AKR1C3: variants seen among roughly 807,000 people sequenced by gnomAD.
The protein encoded by AKR1C3 is aldo-keto reductase family 1 member C3.
In AKR1C3, 48 loss-of-function variants were observed where a neutral mutation model predicts 43.6. That is an observed-to-expected ratio of 1.10 (90% confidence interval 0.87 to 1.40). AKR1C3 has a LOEUF of 1.40. AKR1C3 is among the 40% of genes most tolerant of loss of function. The probability of loss-of-function intolerance (pLI) is 0.00; values close to 1 mark genes in which losing one functional copy is unlikely to be tolerated. For missense variants in AKR1C3, 482 were observed against 391.2 expected, an observed-to-expected ratio of 1.23 and a Z score of -1.96; for synonymous variants, 162 against 139.6, an observed-to-expected ratio of 1.16 and a Z score of -1.13.
chr10:5,067,545 A>C (rs1838533477), intron 1 of AKR1C3, among the ~76,000 whole-genome samples: 1 of 152,158 alleles, frequency 6.6e-6, no homozygotes, highest in Non-Finnish European at 1.5e-5. Flanking sequence ...ACCTGGTGAA[A>C]ATATACTGTA....
chr10:5,084,711 A>G (rs1299476307), intron 1 of AKR1C3, among the ~76,000 whole-genome samples: 1 of 152,198 alleles, frequency 6.6e-6, no homozygotes, highest in Non-Finnish European at 1.5e-5. Context: ...ACCCATGAGC[A>G]TGGAATATTC....
chr10:5,106,904 C>G (rs1839514513), intron 8 of AKR1C3, among the ~76,000 whole-genome samples: 1 of 55,906 alleles, frequency 1.8e-5, no homozygotes, highest in Non-Finnish European at 3.6e-5. Flanking sequence ...TTTTTAGTTT[C>G]AAGGAAAATA....
chr10:5,063,441 C>T (rs547586355), intron 1 of AKR1C3, among the ~76,000 whole-genome samples: 8 of 151,874 alleles, frequency 5.3e-5, no homozygotes, highest in South Asian at 4.2e-4. Flanking sequence ...CATAACCTTA[C>T]GAAATGGTAG....
At position 5,102,137 on chromosome 10, in the gene AKR1C3, C is replaced by G; in HGVS notation, c.607C>G (p.Leu203Val). 6.2e-7 allele frequency: 1 copy of G among 1,613,976 alleles called. No homozygotes were observed. ...CHPYFNRSKLLDFCKSKDIVL... is the reference protein window; with the variant it reads ...CHPYFNRSKLVDFCKSKDIVL... ...TCCGTATTTCAACCGGAGTAAATTG[C>G]TAGATTTCTGCAAGTCGAAAGATAT... Residue 203 changes from leucine (L) to valine (V), a missense_variant, in exon 6 of 9, where the codon CTA becomes GTA. Physicochemically the swap from Leu to Val is conservative, Grantham distance 32. Transcript: ENST00000380554.
At chr10:5,085,032 A>AT (rs1436889690) in intron 1 of AKR1C3, among the ~76,000 whole-genome samples, 3 of 152,182 alleles carry the variant, frequency 2.0e-5, no homozygotes. Flanking sequence ...AACAGGGACA[A>AT]TTTGACTTCT....
chr10:5,053,670 C>G (rs539330900), intron 1 of AKR1C3, among the ~76,000 whole-genome samples: 1 of 152,214 alleles, frequency 6.6e-6, no homozygotes, highest in Non-Finnish European at 1.5e-5. Context: ...CTCAATCCCC[C>G]CTCTAAACAG....
chr10:5,088,399 A>G (rs1389679429), intron 1 of AKR1C3, among the ~76,000 whole-genome samples: 3 of 151,834 alleles, frequency 2.0e-5, no homozygotes, highest in Non-Finnish European at 2.9e-5. Context: ...TGTCTCAATG[A>G]TCTGCAACAT....
chr10:5,074,405 A>G (rs1262024701), intron 1 of AKR1C3, among the ~76,000 whole-genome samples: 1 of 152,216 alleles, frequency 6.6e-6, no homozygotes, highest in Non-Finnish European at 1.5e-5. Flanking sequence ...ATACAAGAAC[A>G]GCTGAAAACT....
chr10:5,057,742 G>A (rs182951177), intron 1 of AKR1C3, among the ~76,000 whole-genome samples: 105 of 152,292 alleles, frequency 6.9e-4, no homozygotes, highest in African/African-American at 2.4e-3. Context: ...GGGATGGCTT[G>A]CTGACTGGTA....
chr10:5,065,280 T>C (rs1838476906), intron 1 of AKR1C3, among the ~76,000 whole-genome samples: 1 of 152,236 alleles, frequency 6.6e-6, no homozygotes. Context: ...ATATAAATCA[T>C]TCTATCATAA....
chr10:5,105,451 C>T, intron 7 of AKR1C3, 144 bp from the exon 8 acceptor site: 1 of 568,150 alleles, frequency 1.8e-6, no homozygotes, highest in South Asian at 2.6e-5. Flanking sequence ...ATTCATTGAC[C>T]CACCTGAGTG....
chr10:5,093,350 C>G (rs1464625129), upstream of AKR1C3: 3 of 152,016 alleles, frequency 2.0e-5, no homozygotes, highest in African/African-American at 7.2e-5. Flanking sequence ...TATATTGTAT[C>G]AATGTATAAT....
intron 7 of AKR1C3, 55 bp from the exon 8 acceptor site, chr10:5,105,540 T>C: frequency 7.5e-7 from 1 of 1,325,546 alleles, no homozygotes. Context: ...TCTAATATAC[T>C]TGGGGATTCA....
At chr10:5,078,523 A>C (rs1838764917) in intron 1 of AKR1C3, among the ~76,000 whole-genome samples, 1 of 152,230 alleles carries the variant, frequency 6.6e-6, no homozygotes, top group Non-Finnish European at 1.5e-5. Flanking sequence ...TGCCACCACG[A>C]GTGCCACTGG....
At chr10:5,061,891 T>C (rs1554780286) in intron 1 of AKR1C3, among the ~76,000 whole-genome samples, 1 of 152,212 alleles carries the variant, frequency 6.6e-6, no homozygotes, top group Admixed American at 6.5e-5. Context: ...CCATTACATA[T>C]TACTCTCAAA....
intron 7 of AKR1C3, among the ~76,000 whole-genome samples, chr10:5,104,570 CTA>C (rs1564372433): frequency 6.6e-6 from 1 of 152,052 alleles, no homozygotes; most frequent in Non-Finnish European, 1.5e-5. Flanking sequence ...TCTTGACTGA[CTA>C]TTCTGTTATA....
At chr10:5,053,202 G>C (rs2154304) in intron 1 of AKR1C3, among the ~76,000 whole-genome samples, 31,682 of 152,196 alleles carry the variant, frequency 0.21, 3,392 homozygotes, top group East Asian at 0.38. Context: ...AGGGGGCAGC[G>C]CTCGTCAGGG....
At chr10:5,076,408 C>T (rs889505817) in intron 1 of AKR1C3, among the ~76,000 whole-genome samples, 1 of 150,272 alleles carries the variant, frequency 6.7e-6, no homozygotes, top group South Asian at 2.1e-4. Context: ...CTCTCTGTCT[C>T]TCTCTCTCTC....
intron 1 of AKR1C3, among the ~76,000 whole-genome samples, chr10:5,084,893 T>C (rs1387022164): frequency 3.3e-5 from 5 of 152,220 alleles, no homozygotes; most frequent in Non-Finnish European, 1.5e-5. Flanking sequence ...TTTATTGGTG[T>C]ATAAGAATGC....
Sources: allele counts gnomAD v4.1 joint callset (sites outside exome capture counted in the v4.1 genomes callset), GRCh38; gene constraint gnomAD v4.1.1; transcripts MANE v1.5; gene names NCBI Gene and HGNC (gene_info 2026-07-23, HGNC 2026-07-21).